The following WDFY2 variants were observed in gnomAD, a reference collection of about 807,000 sequenced individuals.
The protein encoded by WDFY2 is WD repeat and FYVE domain containing 2.
Under a neutral mutation model 56.4 loss-of-function variants are expected in WDFY2, and 36 were observed. The ratio of observed to expected loss-of-function variants is 0.64; its 90% CI spans 0.49 to 0.84. WDFY2 has a LOEUF of 0.84. Among genes scored for constraint, WDFY2 ranks in the 40% least tolerant of loss-of-function variants. The pLI is 0.00. For synonymous variants in WDFY2, 176 were observed against 183.7 expected (o/e 0.96, Z 0.34); for missense variants, 444 against 512.2 (o/e 0.87, Z 1.29).
chr13:51,719,968 T>A (rs1481762959), intron 5 of WDFY2, among the ~76,000 whole-genome samples: 1 of 152,190 alleles, frequency 6.6e-6, no homozygotes, highest in Non-Finnish European at 1.5e-5. Flanking sequence ...TGGGTAATGC[T>A]CACAGCTGCC....
chr13:51,589,902 G>A (rs1031828934), intron 1 of WDFY2: 2 of 152,116 alleles, frequency 1.3e-5, no homozygotes, highest in Non-Finnish European at 2.9e-5. Context: ...CCTTTACTCC[G>A]AATTCAAAAC....
chr13:51,707,194 C>T lies in WDFY2; in HGVS notation c.334+3544C>T, dbSNP rs538268204. Among the ~76,000 whole-genome samples, 16 of 152,276 alleles carry T rather than the reference C, an allele frequency of 1.1e-4. 1 individual carries two copies. The South Asian group carries it at 3.1e-3, about 30-fold the overall frequency. On this transcript the variant is annotated intron_variant, in intron 4 of 11. Transcript: ENST00000298125. ...GGCAGCAGGGAGACAGGGTCTCAAT[C>T]AGTTGCCCAGGCTAGAGTGCAGTGG...
chr13:51,660,527 T>C (rs1955592709), intron 1 of WDFY2, 69 bp from the exon 2 acceptor site: 2 of 1,479,448 alleles, frequency 1.4e-6, no homozygotes, highest in Non-Finnish European at 1.9e-6. Context: ...AGATTTGTTT[T>C]CTATGTATCA....
At chr13:51,745,278 A>T (rs956160323) in intron 7 of WDFY2, among the ~76,000 whole-genome samples, 1 of 152,202 alleles carries the variant, frequency 6.6e-6, no homozygotes, top group African/African-American at 2.4e-5. Flanking sequence ...ATTGGCTTTT[A>T]AAAAAATGAA....
At position 51,765,657 on chromosome 13, in the gene WDFY2, T is replaced by A. The variant is rs1454948125; in HGVS notation, c.*5888T>A. 4.6e-5 allele frequency: 7 copies of A among 152,240 alleles called. No homozygotes were observed. The highest frequency in any genetic ancestry group is 1.4e-4 in the African/African-American group (6 of 41,468). The allele number at this position is 152,240 out of a possible 1,614,324, so 9.4% of individuals were successfully genotyped here. A position where few individuals can be genotyped will look rare whatever the true frequency, so the allele number is the denominator to read the frequency against. ...CTTCCCTTGGATAACGGAGAGCCTA[T>A]CACCACATGCCTTTGTTGTCTTCCA... On this transcript the variant is annotated 3_prime_UTR_variant, in exon 12 of 12. Coordinates refer to ENST00000298125, the MANE Select transcript of WDFY2 (RefSeq NM_052950.4).
chr13:51,665,122 AT>A (rs1237047980), intron 2 of WDFY2, among the ~76,000 whole-genome samples: 1 of 152,198 alleles, frequency 6.6e-6, no homozygotes, highest in Non-Finnish European at 1.5e-5. Flanking sequence ...AGGAAAGTTC[AT>A]TTTAAACCCT....
At chr13:51,677,467 T>A (rs1285764027) in intron 3 of WDFY2, among the ~76,000 whole-genome samples, 1 of 152,252 alleles carries the variant, frequency 6.6e-6, no homozygotes, top group Non-Finnish European at 1.5e-5. Flanking sequence ...TCTCAGCTGT[T>A]TTAATAATTT....
intron 7 of WDFY2, among the ~76,000 whole-genome samples, chr13:51,750,557 A>C (rs1160541549): frequency 6.6e-6 from 1 of 151,338 alleles, no homozygotes; most frequent in African/African-American, 2.4e-5. Context: ...AAAAAGACCA[A>C]GAAACTATGT....
intron 7 of WDFY2, among the ~76,000 whole-genome samples, chr13:51,744,069 T>C (rs1313848235): frequency 6.6e-6 from 1 of 152,224 alleles, no homozygotes; most frequent in African/African-American, 2.4e-5. Flanking sequence ...AGCAGATCCC[T>C]TTTACGGTGC....
At chr13:51,676,063 G>A (rs1261075543) in intron 3 of WDFY2, among the ~76,000 whole-genome samples, 1 of 152,166 alleles carries the variant, frequency 6.6e-6, no homozygotes, top group Non-Finnish European at 1.5e-5. Context: ...GGATCTGAGG[G>A]CTCAAGGGGA....
At chr13:51,745,973 C>CTTTTTCT (rs1953090484) in intron 7 of WDFY2, among the ~76,000 whole-genome samples, 10 of 100,762 alleles carry the variant, frequency 9.9e-5, no homozygotes, top group Admixed American at 2.4e-4. Flanking sequence ...TTTTCTTTTT[C>CTTTTTCT]TTTTTTTTTT....
Position 51,584,648 on chromosome 13 carries a change from C to G in WDFY2, c.-40C>G, listed in dbSNP as rs541144338. 1.9e-6 allele frequency: 3 copies of G among 1,591,108 alleles called. No homozygotes were observed. Among genetic ancestry groups the G allele is most frequent in the Non-Finnish European group, 2.6e-6 (3 of 1,171,426 alleles). On this transcript the variant is annotated 5_prime_UTR_variant, in exon 1 of 12. Coordinates refer to ENST00000298125, the MANE Select transcript of WDFY2 (RefSeq NM_052950.4). The stretch of plus-strand genomic sequence containing the variant: ...CAGTCTCCTCAGCCCGGCCCCGCGG[C>G]GCGGTTGGCGGCGGCGCCCCAGGCG...
intron 1 of WDFY2, chr13:51,589,330 G>A (rs1477174047): frequency 6.6e-6 from 1 of 151,974 alleles, no homozygotes; most frequent in African/African-American, 2.4e-5. Flanking sequence ...GAAGGGGCTG[G>A]GATGAGGGGG....
chr13:51,591,551 A>T (rs1381052075), intron 1 of WDFY2: 1 of 152,172 alleles, frequency 6.6e-6, no homozygotes, highest in Admixed American at 6.5e-5. Context: ...AGACTGACAT[A>T]CTCTCTCACA....
intron 2 of WDFY2, among the ~76,000 whole-genome samples, chr13:51,671,877 G>A (rs1273149781): frequency 2.1e-5 from 3 of 142,796 alleles, no homozygotes; most frequent in Non-Finnish European, 3.0e-5. Context: ...TCTGCCTCCC[G>A]GATTCAAGCG....
intron 3 of WDFY2, among the ~76,000 whole-genome samples, chr13:51,689,908 A>G (rs1480648060): frequency 2.0e-5 from 3 of 152,320 alleles, no homozygotes; most frequent in South Asian, 4.1e-4. Context: ...CTATTTTCAT[A>G]ATAATACTAA....
intron 1 of WDFY2, among the ~76,000 whole-genome samples, chr13:51,625,058 A>T (rs1227654674): frequency 1.3e-5 from 2 of 152,316 alleles, no homozygotes; most frequent in South Asian, 2.1e-4. Flanking sequence ...GGTAGTATCA[A>T]CTGACTGTTG....
At position 51,739,198 on chromosome 13, in the gene WDFY2, A is replaced by G. The variant is rs1952909888; in HGVS notation, c.725+23A>G. 1.9e-6 allele frequency: 3 copies of G among 1,567,124 alleles called. No homozygotes were observed. In the East Asian group the frequency reaches 7.0e-5, roughly 36 times the overall value. On this transcript the variant is annotated intron_variant, in intron 7 of 11. Coordinates refer to ENST00000298125, the MANE Select transcript of WDFY2 (RefSeq NM_052950.4). ...CAAGTAAGGTTGCTGGTGCTTTCAT[A>G]AAGACTCTGAGAAAAGATTCTCAGC...
Position 51,649,472 on chromosome 13 carries a change from C to G in WDFY2, c.138-11124C>G, listed in dbSNP as rs1263284416. Among the ~76,000 whole-genome samples the G allele has an allele frequency of 2.0e-5, 3 of 150,906 alleles. No homozygotes were observed. The East Asian group carries it at 5.8e-4, about 29-fold the overall frequency. On this transcript the variant is annotated intron_variant, in intron 1 of 11. Transcript: ENST00000298125. ...TAAGTTTTAGGGTATATGTGCACAA[C>G]ATGCAGGTTTGTTACATATGTATAC... is the stretch of plus-strand genomic sequence containing the variant.
Sources: gnomAD v4.1 joint callset for allele counts (sites outside exome capture counted in the v4.1 genomes callset) on GRCh38, gnomAD v4.1.1 for gene constraint, MANE v1.5 for transcripts, NCBI Gene and HGNC (gene_info 2026-07-23, HGNC 2026-07-21) for gene names.